TRAPPC3L: variants seen among roughly 807,000 people sequenced by gnomAD.
TRAPPC3L encodes trafficking protein particle complex subunit 3-like protein.
A neutral mutation model predicts 23.7 loss-of-function variants in TRAPPC3L; 23 were observed. The observed-to-expected ratio is 0.97, with a 90% confidence interval of 0.70 to 1.37. The LOEUF is 1.37. Among genes scored for constraint, TRAPPC3L ranks in the 40% most tolerant of loss-of-function variants. The pLI is 0.00. For synonymous variants in TRAPPC3L, 81 were observed against 77.9 expected (o/e 1.04, Z -0.21); for missense variants, 212 against 216.8 (o/e 0.98, Z 0.14).
chr6:116,541,492 A>G (rs1773455504), intron 2 of TRAPPC3L, among the ~76,000 whole-genome samples: 1 of 152,174 alleles, frequency 6.6e-6, no homozygotes, highest in Non-Finnish European at 1.5e-5. Context: ...AAGAGATGAA[A>G]TCTTTGGTGA....
In TRAPPC3L at chr6:116,537,647, C is replaced by T. The variant is rs560803636; in HGVS notation, c.240+2716G>A. ...TTGAAGACTTCATTGTAAGGTAAAG[C>T]GAGTAGTTCCTCATGGAAGGGACTC... On this transcript the variant is annotated intron_variant, in intron 3 of 4. Coordinates refer to ENST00000368602, the MANE Select transcript of TRAPPC3L (RefSeq NM_001139444.3). Among the ~76,000 whole-genome samples, 9 of 152,206 alleles carry T rather than the reference C, an allele frequency of 5.9e-5. No individual in the cohort carries two copies. The South Asian group carries it at 1.2e-3, about 21-fold the overall frequency.
intron 3 of TRAPPC3L, among the ~76,000 whole-genome samples, chr6:116,533,091 T>A (rs1160924761): frequency 1.3e-5 from 2 of 152,182 alleles, no homozygotes; most frequent in Admixed American, 6.5e-5. Context: ...CCATTTATCC[T>A]TGCATATCAC....
chr6:116,531,669 T>C (rs1018045316), intron 3 of TRAPPC3L, among the ~76,000 whole-genome samples: 1 of 152,126 alleles, frequency 6.6e-6, no homozygotes. Context: ...TGATGAATTT[T>C]AGGATAATTT....
intron 3 of TRAPPC3L, chr6:116,521,373 G>A (rs137907902): frequency 5.9e-5 from 9 of 152,208 alleles, no homozygotes; most frequent in Non-Finnish European, 1.3e-4. Context: ...GAGAACCAGG[G>A]GAGTTGATGG....
intron 3 of TRAPPC3L, among the ~76,000 whole-genome samples, chr6:116,509,426 C>T (rs1376782481): frequency 6.6e-6 from 1 of 152,150 alleles, no homozygotes; most frequent in East Asian, 1.9e-4. Context: ...GGAGGCATCA[C>T]ATTACCTGAC....
At position 116,540,433 on chromosome 6, in the gene TRAPPC3L, T is replaced by G. The variant is rs1444925087; in HGVS notation, c.170A>C (p.Glu57Ala). 3.9e-6 allele frequency: 6 copies of G among 1,551,330 alleles called. No individual in the cohort carries two copies. Among genetic ancestry groups the G allele is most frequent in the Non-Finnish European group, 4.4e-6 (5 of 1,146,750 alleles). The change falls in exon 3 of 5, where the codon GAA (glutamate) becomes GCA (alanine). Residue 57 changes from glutamate (E) to alanine (A), a missense_variant. Physicochemically the swap from Glu to Ala is moderately radical, Grantham distance 107. Transcript: ENST00000368602. Reference sequence around the variant, plus strand: ...CACGCAGGATCGAGCCAAAAAGTCTTCCACAAGCCGCGTTCCAATGCCGTA... The same window carrying G: ...CACGCAGGATCGAGCCAAAAAGTCTGCCACAAGCCGCGTTCCAATGCCGTA... ...MGYGIGTRLVEDFLARSCVGR... is the reference protein window; with the variant it reads ...MGYGIGTRLVADFLARSCVGR...
intron 3 of TRAPPC3L, among the ~76,000 whole-genome samples, chr6:116,537,988 A>G (rs1773201072): frequency 6.6e-6 from 1 of 152,222 alleles, no homozygotes; most frequent in South Asian, 2.1e-4. Flanking sequence ...AGGTAACAAG[A>G]AAGTTTTACA....
At chr6:116,532,348 G>A (rs9488957) in intron 3 of TRAPPC3L, among the ~76,000 whole-genome samples, 4,963 of 152,116 alleles carry the variant, frequency 0.033, 263 homozygotes, top group African/African-American at 0.11. Flanking sequence ...CTATCCTTCC[G>A]CGTCTTGCCT....
chr6:116,508,534 C>T (rs1468286097), intron 3 of TRAPPC3L, among the ~76,000 whole-genome samples: 1 of 152,070 alleles, frequency 6.6e-6, no homozygotes, highest in African/African-American at 2.4e-5. Flanking sequence ...TGGGAGTGAG[C>T]ATGAGGTCAA....
chr6:116,522,140 C>A (rs9400930), intron 3 of TRAPPC3L: 2 of 152,086 alleles, frequency 1.3e-5, no homozygotes, highest in African/African-American at 4.8e-5. Context: ...CCAGTGTACA[C>A]GACATGGAGA....
chr6:116,499,383 T>C (rs1035732402), intron 4 of TRAPPC3L, among the ~76,000 whole-genome samples: 2 of 152,230 alleles, frequency 1.3e-5, no homozygotes, highest in African/African-American at 4.8e-5. Context: ...CCCTCTGATA[T>C]ACTTTCATTT....
chr6:116,518,752 A>G (rs1248660246), intron 3 of TRAPPC3L: 1 of 152,130 alleles, frequency 6.6e-6, no homozygotes, highest in Non-Finnish European at 1.5e-5. Flanking sequence ...TATTCCTGCC[A>G]CCCTCAAGTC....
intron 3 of TRAPPC3L, chr6:116,515,576 A>T: frequency 6.3e-7 from 1 of 1,585,918 alleles, no homozygotes; most frequent in Non-Finnish European, 8.6e-7. Flanking sequence ...TCACGTGTGT[A>T]CTCAATATTT....
At chr6:116,520,176 G>A (rs947322466) in intron 3 of TRAPPC3L, 5 of 152,144 alleles carry the variant, frequency 3.3e-5, no homozygotes, top group African/African-American at 9.7e-5. Context: ...TTCAAAGCCT[G>A]ATGATCCACT....
chr6:116,509,135 C>T (rs965204240), intron 3 of TRAPPC3L, among the ~76,000 whole-genome samples: 3 of 143,440 alleles, frequency 2.1e-5, no homozygotes, highest in South Asian at 2.2e-4. Flanking sequence ...TATACTTAAT[C>T]GAAGAGGTGG....
rs1035517779 is a variant in TRAPPC3L, at chr6:116,534,456, A to C, written c.240+5907T>G. Among the ~76,000 whole-genome samples the C allele has an allele frequency of 2.7e-5, 4 of 147,488 alleles. No individual in the cohort carries two copies. The South Asian group carries it at 8.8e-4, about 32-fold the overall frequency. On this transcript the variant is annotated intron_variant, in intron 3 of 4. Transcript: ENST00000368602. ...TCTTGTGCATTCAGATCAGAAGCAG[A>C]AGAAAAAAAAATATGACTAGTATGA...
At chr6:116,511,588 C>CG in intron 3 of TRAPPC3L, 1 of 970,308 alleles carries the variant, frequency 1.0e-6, no homozygotes, top group South Asian at 1.6e-5. Flanking sequence ...TCAATTCAGT[C>CG]TGAGAAGGAC....
rs966136039 is a variant in TRAPPC3L at position 116,545,276 on chromosome 6, GT to G, written c.42+196del. Among the ~76,000 whole-genome samples, 15 of 152,008 alleles carry G rather than the reference GT, an allele frequency of 9.9e-5. 1 individual carries two copies. The highest frequency in any genetic ancestry group is 3.6e-4 in the African/African-American group (15 of 41,392). On this transcript the variant is annotated intron_variant, in intron 1 of 4. Coordinates refer to ENST00000368602, the MANE Select transcript of TRAPPC3L (RefSeq NM_001139444.3). ...GTCAGAAAAGAAGACCTTAAAGTGT[GT>G]ATAAAGAATTGATTATTCTTTATGT...
At position 116,545,607 on chromosome 6, in the gene TRAPPC3L, T is replaced by G. The variant is rs1183974528; in HGVS notation, c.-93A>C. The G allele has an allele frequency of 5.1e-6, 6 of 1,173,578 alleles. No individual in the cohort carries two copies. The highest frequency in any genetic ancestry group is 7.3e-6 in the Non-Finnish European group (6 of 826,548). The allele number at this position is 1,173,578 out of a possible 1,614,324, so 72.7% of individuals were successfully genotyped here. On this transcript the variant is annotated 5_prime_UTR_variant, in exon 1 of 5. Coordinates refer to ENST00000368602, the MANE Select transcript of TRAPPC3L (RefSeq NM_001139444.3). ...AGTCCATGTCTTTTTGTTTTGTTTTTGTAAGCTCTTCCTCGCTTTGAGACA... is the reference window on the plus strand; with the variant it reads ...AGTCCATGTCTTTTTGTTTTGTTTTGGTAAGCTCTTCCTCGCTTTGAGACA...
Sources: gnomAD v4.1 joint callset for allele counts (sites outside exome capture counted in the v4.1 genomes callset) on GRCh38, gnomAD v4.1.1 for gene constraint, MANE v1.5 for transcripts, NCBI Gene and HGNC (gene_info 2026-07-23, HGNC 2026-07-21) for gene names.